ROBO2: variants seen among roughly 807,000 people sequenced by gnomAD.
The protein encoded by ROBO2 is roundabout homolog 2.
In ROBO2, 53 loss-of-function variants were observed where a neutral mutation model predicts 160.8. The observed-to-expected ratio is 0.33, with a 90% CI of 0.26 to 0.41. ROBO2 has a LOEUF of 0.41. Among genes scored for constraint, ROBO2 ranks in the 10% least tolerant of loss-of-function variants. ROBO2 has a pLI of 1.00. For missense variants in ROBO2, 1,577 were observed against 1,722.4 expected, an observed-to-expected ratio of 0.92 and a Z score of 1.49; for synonymous variants, 664 against 611.7, an observed-to-expected ratio of 1.09 and a Z score of -1.26.
chr3:76,143,170 G>A (rs1486890748), intron 2 of ROBO2, among the ~76,000 whole-genome samples: 4 of 151,858 alleles, frequency 2.6e-5, no homozygotes, highest in South Asian at 2.1e-4. Context: ...GGGACTATAC[G>A]CATGCACCAC....
chr3:77,272,600 T>C (rs1400442904), intron 2 of ROBO2, among the ~76,000 whole-genome samples: 1 of 152,044 alleles, frequency 6.6e-6, no homozygotes. Flanking sequence ...CCAAACCATA[T>C]CATAAGCAAA....
intron 2 of ROBO2, among the ~76,000 whole-genome samples, chr3:76,921,434 A>G (rs923736547): frequency 1.3e-5 from 2 of 152,080 alleles, no homozygotes. Context: ...CAACATGGTG[A>G]AATCCCATCT....
intron 2 of ROBO2, among the ~76,000 whole-genome samples, chr3:76,541,808 T>C (rs1409883099): frequency 6.6e-6 from 1 of 152,224 alleles, no homozygotes; most frequent in Admixed American, 6.5e-5. Context: ...TTGTCTGTCA[T>C]GCTGTTCCTA....
chr3:76,390,073 A>G (rs3913579), intron 2 of ROBO2, among the ~76,000 whole-genome samples: 6,905 of 152,188 alleles, frequency 0.045, 438 homozygotes, highest in African/African-American at 0.14. Context: ...TCACATAAGG[A>G]CTATTGAATT....
chr3:77,405,107 A>G (rs961765252), intron 2 of ROBO2, among the ~76,000 whole-genome samples: 4 of 152,162 alleles, frequency 2.6e-5, no homozygotes, highest in African/African-American at 9.6e-5. Flanking sequence ...ATCTTCAGTT[A>G]TTTTTAACAC....
chr3:76,148,529 C>CA (rs1042441004), intron 2 of ROBO2, among the ~76,000 whole-genome samples: 6 of 151,920 alleles, frequency 3.9e-5, no homozygotes, highest in African/African-American at 1.2e-4. Context: ...AAATTTATCC[C>CA]AAAAAAATCC....
chr3:76,219,578 G>T (rs1355632580), intron 2 of ROBO2, among the ~76,000 whole-genome samples: 1 of 152,188 alleles, frequency 6.6e-6, no homozygotes, highest in Non-Finnish European at 1.5e-5. Flanking sequence ...TGAAAAAAAT[G>T]CTCATCTTCA....
chr3:77,047,331 G>C (rs916148678), intron 1 of ROBO2, among the ~76,000 whole-genome samples: 2 of 152,088 alleles, frequency 1.3e-5, no homozygotes, highest in African/African-American at 4.8e-5. Flanking sequence ...TGTAAAATGG[G>C]CATGGTAATA....
At chr3:76,573,735 A>G (rs1022474996) in intron 2 of ROBO2, among the ~76,000 whole-genome samples, 1 of 152,032 alleles carries the variant, frequency 6.6e-6, no homozygotes. Context: ...AACTTTGCAC[A>G]GTTTCATAGG....
intron 1 of ROBO2, among the ~76,000 whole-genome samples, chr3:77,044,414 C>T (rs141958254): frequency 8.9e-4 from 136 of 152,206 alleles, no homozygotes; most frequent in African/African-American, 3.2e-3. Flanking sequence ...ATTTGGTTTT[C>T]GAAGAGTATT....
intron 2 of ROBO2, among the ~76,000 whole-genome samples, chr3:76,787,328 C>CCACACA (rs60806662): frequency 0.15 from 20,652 of 142,126 alleles, 1,824 homozygotes; most frequent in Non-Finnish European, 0.21. Flanking sequence ...TGTAAACACA[C>CCACACA]CACACACACA....
At chr3:77,145,163 T>C (rs540908495) in intron 2 of ROBO2, among the ~76,000 whole-genome samples, 1 of 152,282 alleles carries the variant, frequency 6.6e-6, no homozygotes, top group Non-Finnish European at 1.5e-5. Context: ...TAGTATAGTT[T>C]AGCTGGGTGT....
At chr3:76,181,511 C>T (rs934887169) in intron 2 of ROBO2, among the ~76,000 whole-genome samples, 1 of 152,048 alleles carries the variant, frequency 6.6e-6, no homozygotes, top group Admixed American at 6.6e-5. Flanking sequence ...ATGCAAGCAG[C>T]CTTACAATGT....
At chr3:76,448,161 G>T (rs1183504783) in intron 2 of ROBO2, among the ~76,000 whole-genome samples, 1 of 151,860 alleles carries the variant, frequency 6.6e-6, no homozygotes, top group East Asian at 1.9e-4. Flanking sequence ...AGCTGAAAAG[G>T]TTTTGAAAGA....
chr3:77,527,072 T>C (rs1371421510), intron 6 of ROBO2, among the ~76,000 whole-genome samples: 5 of 151,476 alleles, frequency 3.3e-5, no homozygotes, highest in Non-Finnish European at 7.4e-5. Context: ...GTTATATTCA[T>C]CAGGTTTTTA....
chr3:77,632,716 C>A (rs2095191002), intron 23 of ROBO2: 1 of 1,381,328 alleles, frequency 7.2e-7, no homozygotes, highest in Non-Finnish European at 9.7e-7. Flanking sequence ...GGACACTGTC[C>A]TCTTTTCTCC....
intron 2 of ROBO2, among the ~76,000 whole-genome samples, chr3:76,918,037 TGAAAGCA>T (rs2076430824): frequency 1.3e-5 from 2 of 152,230 alleles, no homozygotes; most frequent in South Asian, 4.2e-4. Flanking sequence ...CTGTGCAAAA[TGAAAGCA>T]TGGATCCCCT....
chr3:76,500,184 T>C (rs1209693283), intron 2 of ROBO2, among the ~76,000 whole-genome samples: 1 of 152,112 alleles, frequency 6.6e-6, no homozygotes, highest in Non-Finnish European at 1.5e-5. Flanking sequence ...AATGACACAA[T>C]CACAGCTCAC....
intron 2 of ROBO2, among the ~76,000 whole-genome samples, chr3:77,470,826 C>A (rs1364925462): frequency 2.0e-5 from 3 of 152,106 alleles, no homozygotes; most frequent in Non-Finnish European, 4.4e-5. Context: ...GGTCGGTCTT[C>A]TACTGAGAAG....
Sources: allele counts gnomAD v4.1 joint callset (sites outside exome capture counted in the v4.1 genomes callset), GRCh38; gene constraint gnomAD v4.1.1; transcripts MANE v1.5; gene names NCBI Gene and HGNC (gene_info 2026-07-23, HGNC 2026-07-21).